Variants in MICU2 observed in about 807,000 individuals in gnomAD.
MICU2 encodes mitochondrial calcium uptake 2.
Under a neutral mutation model 60.4 loss-of-function variants are expected in MICU2, and 64 were observed. The ratio of observed to expected loss-of-function variants is 1.06; its 90% confidence interval spans 0.87 to 1.31. The LOEUF (loss-of-function observed/expected upper bound fraction) is 1.31. Among genes scored for constraint, MICU2 ranks in the 50% most tolerant of loss-of-function variants. The pLI, the probability that MICU2 is intolerant of heterozygous loss-of-function variation, is 0.00. For missense variants in MICU2, 569 were observed against 531.0 expected (o/e 1.07, Z -0.70); for synonymous variants, 201 against 175.0 (o/e 1.15, Z -1.17).
chr13:21,564,437 C>T (rs1196734290), intron 2 of MICU2, among the ~76,000 whole-genome samples: 1 of 152,086 alleles, frequency 6.6e-6, no homozygotes, highest in Non-Finnish European at 1.5e-5. Flanking sequence ...TCTTTCAGTA[C>T]TGCCTTATTA....
intron 7 of MICU2, among the ~76,000 whole-genome samples, 168 bp from the exon 8 acceptor site, chr13:21,510,269 A>G (rs1211524234): frequency 1.3e-5 from 2 of 152,254 alleles, no homozygotes; most frequent in Non-Finnish European, 2.9e-5. Context: ...GTTATTTTGC[A>G]TAACACTCCA....
intron 1 of MICU2, among the ~76,000 whole-genome samples, chr13:21,572,464 G>T (rs1888133367): frequency 6.6e-6 from 1 of 152,208 alleles, no homozygotes; most frequent in Non-Finnish European, 1.5e-5. Context: ...TGAGTGGAGA[G>T]AAAGGGAGTA....
At chr13:21,503,926 G>A (rs866978168) in intron 8 of MICU2, among the ~76,000 whole-genome samples, 16 of 152,190 alleles carry the variant, frequency 1.1e-4, no homozygotes, top group Admixed American at 3.9e-4. Context: ...TGGGGTGATA[G>A]AAGAGGGACA....
At chr13:21,530,296 C>A (rs2138179824) in intron 4 of MICU2, among the ~76,000 whole-genome samples, 1 of 152,220 alleles carries the variant, frequency 6.6e-6, no homozygotes, top group African/African-American at 2.4e-5. Context: ...TTTCTGGTTC[C>A]TTTTAAAGCC....
At chr13:21,528,256 T>C (rs1052620611) in intron 4 of MICU2, among the ~76,000 whole-genome samples, 1 of 152,190 alleles carries the variant, frequency 6.6e-6, no homozygotes, top group South Asian at 2.1e-4. Flanking sequence ...AGATGGAATA[T>C]TTCAAAGGGT....
intron 1 of MICU2, among the ~76,000 whole-genome samples, chr13:21,568,477 CG>C (rs1417311037): frequency 6.6e-6 from 1 of 152,160 alleles, no homozygotes; most frequent in East Asian, 1.9e-4. Flanking sequence ...GTTTTAATTA[CG>C]TAAGTCCACA....
At chr13:21,517,799 ACGCG>A (rs758514044) in intron 6 of MICU2, among the ~76,000 whole-genome samples, 41,987 of 136,296 alleles carry the variant, frequency 0.31, 6,979 homozygotes, top group Non-Finnish European at 0.38. Flanking sequence ...ACACACACAC[ACGCG>A]CGCGCGCGCG....
chr13:21,523,225 T>G (rs974343410), intron 4 of MICU2, among the ~76,000 whole-genome samples: 3 of 152,220 alleles, frequency 2.0e-5, no homozygotes, highest in African/African-American at 7.2e-5. Context: ...ATGGGACTTC[T>G]GTACCTCCAT....
At chr13:21,506,543 A>G (rs1276547822) in intron 8 of MICU2, among the ~76,000 whole-genome samples, 1 of 152,186 alleles carries the variant, frequency 6.6e-6, no homozygotes, top group Admixed American at 6.5e-5. Context: ...CATAGAGGCT[A>G]TTTCATTTTC....
At chr13:21,577,875 A>C (rs1425618369) in intron 1 of MICU2, among the ~76,000 whole-genome samples, 1 of 150,526 alleles carries the variant, frequency 6.6e-6, no homozygotes, top group Non-Finnish European at 1.5e-5. Context: ...GCCACTGAGG[A>C]GGCTGAGGCA....
At chr13:21,572,413 C>G (rs762493519) in intron 1 of MICU2, among the ~76,000 whole-genome samples, 61 of 152,134 alleles carry the variant, frequency 4.0e-4, no homozygotes, top group Non-Finnish European at 5.3e-4. Flanking sequence ...TGTGAGACTT[C>G]CGTTAGTGCC....
At chr13:21,520,497 A>G (rs748755030) in intron 6 of MICU2, among the ~76,000 whole-genome samples, 9 of 152,254 alleles carry the variant, frequency 5.9e-5, no homozygotes, top group South Asian at 4.1e-4. Context: ...TGTCATTTAC[A>G]TAAGTACTCA....
At chr13:21,597,134 T>C (rs1888711708) in intron 1 of MICU2, among the ~76,000 whole-genome samples, 2 of 152,196 alleles carry the variant, frequency 1.3e-5, no homozygotes, top group Non-Finnish European at 2.9e-5. Context: ...TTATATGTAG[T>C]CACAGGTTAA....
intron 2 of MICU2, among the ~76,000 whole-genome samples, chr13:21,554,139 T>C (rs1035161809): frequency 6.6e-6 from 1 of 152,024 alleles, no homozygotes; most frequent in Non-Finnish European, 1.5e-5. Flanking sequence ...AGAAAGTTAA[T>C]AAGGATATCC....
chr13:21,597,180 A>G (rs1045658798), intron 1 of MICU2, among the ~76,000 whole-genome samples: 18 of 152,234 alleles, frequency 1.2e-4, no homozygotes, highest in Non-Finnish European at 2.5e-4. Flanking sequence ...ACAAAGGTAT[A>G]TCTATTATTA....
rs749166079 is a variant in MICU2 at position 21,539,329 on chromosome 13, T to C, written c.439A>G (p.Thr147Ala). The C allele has an allele frequency of 6.8e-6, 11 of 1,613,990 alleles. No individual in the cohort carries two copies. In the African/African-American group the frequency reaches 1.5e-4, roughly 22 times the overall value. The change falls in exon 4 of 12, where the codon ACT becomes GCT. Residue 147 changes from threonine to alanine, a missense_variant. Thr to Ala is a moderately conservative substitution (Grantham distance 58). Transcript: ENST00000382374. ...SGIQTAGCGSTFFRDLGDKGL... is the reference protein window; with the variant it reads ...SGIQTAGCGSAFFRDLGDKGL... ...TTATCGCCAAGGTCTCTGAAAAAAGTTGATCCACAGCCAGCTGTTTGGATC... is the reference window on the plus strand; with the variant it reads ...TTATCGCCAAGGTCTCTGAAAAAAGCTGATCCACAGCCAGCTGTTTGGATC...
chr13:21,604,084 A>C lies in MICU2; in HGVS notation c.65T>G (p.Leu22Arg). The C allele has an allele frequency of 1.3e-6, 2 of 1,596,944 alleles. No individual in the cohort carries two copies. Among genetic ancestry groups the C allele is most frequent in the Non-Finnish European group, 1.7e-6 (2 of 1,173,356 alleles). ...AAWGGKLRRGLAVSRQAVRSP... is the reference protein window; with the variant it reads ...AAWGGKLRRGRAVSRQAVRSP... Reference sequence around the variant, plus strand: ...CCGCACAGCCTGTCGGCTGACAGCGAGCCCCCGTCGCAGTTTTCCGCCCCA... The same window carrying C: ...CCGCACAGCCTGTCGGCTGACAGCGCGCCCCCGTCGCAGTTTTCCGCCCCA... Residue 22 changes from leucine to arginine, a missense_variant, in exon 1 of 12, where the codon CTC becomes CGC. By Grantham distance (102) the Leu-to-Arg change is moderately radical. Transcript: ENST00000382374.
chr13:21,552,195 C>T (rs1171429175), intron 2 of MICU2, among the ~76,000 whole-genome samples: 1 of 152,194 alleles, frequency 6.6e-6, no homozygotes, highest in Admixed American at 6.5e-5. Context: ...TTTTGATGAG[C>T]ATTTTTTCAT....
intron 1 of MICU2, among the ~76,000 whole-genome samples, chr13:21,578,410 GAC>G (rs1475630705): frequency 2.0e-5 from 3 of 152,162 alleles, no homozygotes. Flanking sequence ...AACACAGGGA[GAC>G]CCCATCTCTA....
Sources: allele counts gnomAD v4.1 joint callset (sites outside exome capture counted in the v4.1 genomes callset), GRCh38; gene constraint gnomAD v4.1.1; transcripts MANE v1.5; gene names NCBI Gene and HGNC (gene_info 2026-07-23, HGNC 2026-07-21).